The following ARHGAP29 variants were observed in gnomAD, a reference collection of about 807,000 sequenced individuals.
ARHGAP29 encodes the protein rho GTPase-activating protein 29.
A neutral mutation model predicts 122.6 loss-of-function variants in ARHGAP29; 43 were observed. The observed-to-expected ratio is 0.35, with a 90% CI of 0.27 to 0.45. The LOEUF is 0.45. Ranked by LOEUF, ARHGAP29 falls within the 20% of genes least tolerant of loss-of-function variation. The probability of loss-of-function intolerance (pLI) is 1.00; values close to 1 mark genes in which losing one functional copy is unlikely to be tolerated. For missense variants in ARHGAP29, 1,303 were observed against 1,477.2 expected (o/e 0.88, Z 1.93); for synonymous variants, 506 against 497.1 (o/e 1.02, Z -0.24).
At chr1:94,295,737 C>CTAATTCCACACAATGTGGAATCTTG in the ARHGAP29 span, among the ~76,000 whole-genome samples, 1 of 151,284 alleles carries the variant, frequency 6.6e-6, no homozygotes, top group African/African-American at 2.5e-5. Flanking sequence ...GTGGAATCTT[C>CTAATTCCACACAATGTGGAATCTTG]TAATTCCACA....
At chr1:94,199,540 G>C (rs916785515) in intron 12 of ARHGAP29, among the ~76,000 whole-genome samples, 1 of 152,158 alleles carries the variant, frequency 6.6e-6, no homozygotes, top group Non-Finnish European at 1.5e-5. Flanking sequence ...GCTTTCATGT[G>C]CAAAGCAACA....
chr1:94,186,618 C>A, intron 15 of ARHGAP29, 21 bp from the exon 16 acceptor site: 1 of 1,519,162 alleles, frequency 6.6e-7, no homozygotes, highest in Non-Finnish European at 9.1e-7. Flanking sequence ...ATTGTGGATA[C>A]AATTACCTGA....
At chr1:94,201,920 A>G (rs1650877847) in intron 11 of ARHGAP29, 63 bp from the exon 12 acceptor site, 3 of 1,385,172 alleles carry the variant, frequency 2.2e-6, no homozygotes, top group Non-Finnish European at 2.9e-6. Context: ...AATATTTACT[A>G]TAGTAAAGCT....
At chr1:94,239,253 T>C (rs1043413948), upstream of ARHGAP29, among the ~76,000 whole-genome samples, 1 of 152,192 alleles carries the variant, frequency 6.6e-6, no homozygotes, top group African/African-American at 2.4e-5. Context: ...GATTCAATCA[T>C]AAGTAAGGTT....
At chr1:94,181,806 G>A (rs1228221669) in intron 19 of ARHGAP29, among the ~76,000 whole-genome samples, 1 of 152,180 alleles carries the variant, frequency 6.6e-6, no homozygotes, top group Non-Finnish European at 1.5e-5. Flanking sequence ...GTGGCCACAA[G>A]CCACATGTGG....
the ARHGAP29 span, among the ~76,000 whole-genome samples, chr1:94,300,250 A>G: frequency 6.6e-6 from 1 of 152,226 alleles, no homozygotes; most frequent in Non-Finnish European, 1.5e-5. Flanking sequence ...GGATGAATAC[A>G]TGAGCAGAGT....
rs2101509888 is a variant in ARHGAP29 at position 94,202,987 on chromosome 1, T to C, written c.885A>G (p.Gly295=). ...QANKFVQPLL[G]RKNEMEKQRK... ...TTTGTTTTTCCATTTCATTTTTCCT[T>C]CCAAGTAGAGGCTGTGAAAGGTATT... Residue 295 remains glycine, a synonymous_variant, in exon 10 of 23, where the codon GGA becomes GGG. Coordinates refer to ENST00000260526, the MANE Select transcript of ARHGAP29 (RefSeq NM_004815.4). 1.2e-6 allele frequency: 2 copies of C among 1,608,996 alleles called. No individual in the cohort carries two copies. The highest frequency in any genetic ancestry group is 8.5e-7 in the Non-Finnish European group (1 of 1,178,868).
intron 2 of ARHGAP29, 131 bp from the exon 3 acceptor site, chr1:94,220,523 A>G (rs891859050): frequency 7.4e-6 from 5 of 674,524 alleles, no homozygotes; most frequent in Non-Finnish European, 4.8e-6. Flanking sequence ...ACATTCATTT[A>G]TATCTTCACT....
rs189007095 is a variant in ARHGAP29, at chr1:94,201,584, T to C, written c.1281+136A>G. The C allele has an allele frequency of 1.1e-5, 10 of 886,384 alleles. No individual in the cohort carries two copies. The Admixed American group carries it at 3.0e-4, about 26-fold the overall frequency. 54.9% of individuals were successfully genotyped at this position (886,384 alleles called of 1,614,324 possible). A position where few individuals can be genotyped will look rare whatever the true frequency, so the allele number is the denominator to read the frequency against. On this transcript the variant is annotated intron_variant, in intron 12 of 22. Transcript: ENST00000260526. ...GTGGGTAATCATAATCGAAGCTCAC[T>C]ATAACCTCAAACTTTTGGGCTCAAG... is the stretch of plus-strand genomic sequence containing the variant.
At chr1:94,264,510 T>A (rs908354301) in intron 1 of ARHGAP29, among the ~76,000 whole-genome samples, 1 of 152,182 alleles carries the variant, frequency 6.6e-6, no homozygotes, top group African/African-American at 2.4e-5. Flanking sequence ...TTCTCCCTAA[T>A]GCCCCTGGAT....
rs147357251 is a variant in ARHGAP29 at position 94,266,344 on chromosome 1, G to A, written c.-33+8668C>T. On this transcript the variant is annotated intron_variant and NMD_transcript_variant, in intron 1 of 25. Coordinates refer to the ARHGAP29 transcript ENST00000552844. ...AAAAGACTAGAAACTCCTGGGGCCC[G>A]TGCTAGTCCAGAAACTCCTCTCAAC... Among the ~76,000 whole-genome samples the A allele has an allele frequency of 3.3e-4, 51 of 152,250 alleles. 1 individual carries two copies. The East Asian group carries it at 7.0e-3, about 21-fold the overall frequency.
intron 1 of ARHGAP29, among the ~76,000 whole-genome samples, chr1:94,267,652 T>C (rs2100726912): frequency 6.6e-6 from 1 of 152,284 alleles, no homozygotes; most frequent in Admixed American, 6.5e-5. Context: ...ACATAAATAA[T>C]GAAATAGTGG....
In ARHGAP29 at chr1:94,172,883, A is replaced by C. The variant is rs11196; in HGVS notation, c.*986T>G. ...TGTACTCTCAGAATCAACTTAAATA[A>C]ATTTTAGCTTGATTTGGATGAAATA... On this transcript the variant is annotated 3_prime_UTR_variant, in exon 23 of 23. Transcript: ENST00000260526. 0.33 allele frequency: 49,803 copies of C among 152,220 alleles called. 8,397 individuals are homozygous for C. The highest frequency in any genetic ancestry group is 0.43 in the South Asian group (2,076 of 4,804). 9.4% of individuals were successfully genotyped at this position (152,220 alleles called of 1,614,324 possible). A position where few individuals can be genotyped will look rare whatever the true frequency, so the allele number is the denominator to read the frequency against.
chr1:94,273,653 T>C (rs1655078543), intron 1 of ARHGAP29, among the ~76,000 whole-genome samples: 1 of 152,250 alleles, frequency 6.6e-6, no homozygotes, highest in African/African-American at 2.4e-5. Context: ...CTATTATGAC[T>C]GAAGCTTGTG....
chr1:94,236,950 G>A (rs953545100), intron 1 of ARHGAP29, among the ~76,000 whole-genome samples: 2 of 152,148 alleles, frequency 1.3e-5, no homozygotes, highest in Admixed American at 6.5e-5. Context: ...AAAAGCGCCT[G>A]GGTTTAGGTC....
chr1:94,291,892 G>A, the ARHGAP29 span, among the ~76,000 whole-genome samples: 9 of 152,028 alleles, frequency 5.9e-5, no homozygotes, highest in East Asian at 1.9e-4. Flanking sequence ...ATATTTTTTC[G>A]TTCATTTCAA....
Position 94,208,639 on chromosome 1 carries a change from T to C in ARHGAP29, c.510+193A>G, listed in dbSNP as rs112745530. On this transcript the variant is annotated intron_variant, in intron 5 of 22. Coordinates refer to ENST00000260526, the MANE Select transcript of ARHGAP29 (RefSeq NM_004815.4). Reference sequence around the variant, plus strand: ...CATGCCCAGCTAATTTTTGTATTATTAGTAGAGATGGGGTTTCACCATGTT... The same window carrying C: ...CATGCCCAGCTAATTTTTGTATTATCAGTAGAGATGGGGTTTCACCATGTT... Among the ~76,000 whole-genome samples the C allele has an allele frequency of 1.9e-3, 293 of 152,018 alleles. 2 individuals are homozygous for C. The highest frequency in any genetic ancestry group is 6.8e-3 in the African/African-American group (283 of 41,460).
At chr1:94,188,739 T>C (rs374662928) in intron 15 of ARHGAP29, 98 bp downstream of exon 15, 30 of 978,186 alleles carry the variant, frequency 3.1e-5, no homozygotes, top group Admixed American at 1.3e-4. Context: ...CTCTATTATG[T>C]GTGAAAGTTC....
At chr1:94,241,715 ATT>A (rs1017807172), upstream of ARHGAP29, among the ~76,000 whole-genome samples, 1 of 11,522 alleles carries the variant, frequency 8.7e-5, no homozygotes, top group Non-Finnish European at 3.3e-4. Flanking sequence ...ATGATATATA[ATT>A]TATATATAAT....
Sources: gnomAD v4.1 joint callset for allele counts (sites outside exome capture counted in the v4.1 genomes callset) on GRCh38, gnomAD v4.1.1 for gene constraint, MANE v1.5 for transcripts, NCBI Gene and HGNC (gene_info 2026-07-23, HGNC 2026-07-21) for gene names.